Variants in RABGEF1 observed in about 807,000 individuals in gnomAD.
RABGEF1 encodes RAB guanine nucleotide exchange factor 1.
In RABGEF1, 26 loss-of-function variants were observed where a neutral mutation model predicts 57.3. The ratio of observed to expected loss-of-function variants is 0.45; its 90% CI spans 0.33 to 0.63. The LOEUF is 0.63. Ranked by LOEUF, RABGEF1 falls within the 20% of genes least tolerant of loss-of-function variation. The pLI is 0.02. For missense variants in RABGEF1, 464 were observed against 607.6 expected, an observed-to-expected ratio of 0.76 and a Z score of 2.48; for synonymous variants, 185 against 210.7, an observed-to-expected ratio of 0.88 and a Z score of 1.06.
At chr7:66,748,472 G>A (rs986475790) in intron 1 of RABGEF1, among the ~76,000 whole-genome samples, 2 of 152,118 alleles carry the variant, frequency 1.3e-5, no homozygotes, top group Non-Finnish European at 2.9e-5. Flanking sequence ...GGTGAATCAC[G>A]GAACCATATG....
At chr7:66,776,839 G>C (rs1808681369) in intron 3 of RABGEF1, among the ~76,000 whole-genome samples, 1 of 152,194 alleles carries the variant, frequency 6.6e-6, no homozygotes, top group African/African-American at 2.4e-5. Flanking sequence ...AATGTATTGG[G>C]CTCATGATTT....
chr7:66,655,247 C>T, the RABGEF1 span, among the ~76,000 whole-genome samples: 1 of 152,206 alleles, frequency 6.6e-6, no homozygotes, highest in African/African-American at 2.4e-5. Context: ...GAAGTCCCTA[C>T]TTCCGAACCG....
At chr7:66,735,883 G>A (rs1320285746), upstream of RABGEF1, among the ~76,000 whole-genome samples, 2 of 152,116 alleles carry the variant, frequency 1.3e-5, no homozygotes, top group African/African-American at 2.4e-5. Flanking sequence ...AAGAACAAAC[G>A]AATACAGAGG....
At chr7:66,753,700 CGTTTTT>C (rs1383436497) in intron 1 of RABGEF1, among the ~76,000 whole-genome samples, 20 of 78,510 alleles carry the variant, frequency 2.5e-4, no homozygotes, top group Admixed American at 4.3e-4. Context: ...ATTTTGCCAT[CGTTTTT>C]TTTTTTTTTT....
At chr7:66,742,581 G>A (rs1172051584) in intron 1 of RABGEF1, among the ~76,000 whole-genome samples, 1 of 152,134 alleles carries the variant, frequency 6.6e-6, no homozygotes, top group Admixed American at 6.6e-5. Flanking sequence ...CAAAGGAGAG[G>A]AGGCCAGTAA....
intron 4 of RABGEF1, among the ~76,000 whole-genome samples, chr7:66,789,872 C>G: frequency 6.6e-6 from 1 of 152,050 alleles, no homozygotes; most frequent in Non-Finnish European, 1.5e-5. Flanking sequence ...GGCATTGTCT[C>G]CCAGCCTTCT....
intron 2 of RABGEF1, among the ~76,000 whole-genome samples, chr7:66,715,103 C>G (rs1310696708): frequency 6.6e-6 from 1 of 151,646 alleles, no homozygotes; most frequent in Non-Finnish European, 1.5e-5. Flanking sequence ...TCCTCTCCTC[C>G]TCCTCCAACT....
intron 2 of RABGEF1, among the ~76,000 whole-genome samples, chr7:66,731,408 G>A (rs1797296025): frequency 6.6e-6 from 1 of 152,102 alleles, no homozygotes; most frequent in Non-Finnish European, 1.5e-5. Flanking sequence ...GAGCATGAAC[G>A]CCTGGCTGGT....
intron 2 of RABGEF1, among the ~76,000 whole-genome samples, chr7:66,721,242 G>A (rs1363312602): frequency 1.3e-5 from 2 of 152,090 alleles, no homozygotes; most frequent in African/African-American, 4.8e-5. Context: ...TAATAATAGT[G>A]TTTAAAAATC....
chr7:66,756,089 A>T lies in RABGEF1; in HGVS notation c.-18+15297A>T, dbSNP rs1347914345. 3.5e-6 allele frequency: 5 copies of T among 1,424,884 alleles called. No homozygotes were observed. The South Asian group carries it at 7.1e-5, about 20-fold the overall frequency. The allele number at this position is 1,424,884 out of a possible 1,614,324, so 88.3% of individuals were successfully genotyped here. On this transcript the variant is annotated intron_variant, in intron 1 of 8. Transcript: ENST00000284957. ...TTCATACCATGAAGGTGAGTACTGA[A>T]AGATATATAAGAAGAATATCTATAA... is the stretch of plus-strand genomic sequence containing the variant.
chr7:66,673,305 G>A, the RABGEF1 span, among the ~76,000 whole-genome samples: 9 of 151,892 alleles, frequency 5.9e-5, no homozygotes, highest in Non-Finnish European at 5.9e-5. Flanking sequence ...AGCATCCACC[G>A]TGAAGGCTGC....
At chr7:66,700,499 T>TAGTTGGGGGGGGGGGGAGGG (rs1562710607) in intron 1 of RABGEF1, among the ~76,000 whole-genome samples, 1 of 62,664 alleles carries the variant, frequency 1.6e-5, no homozygotes, top group African/African-American at 4.5e-5. Context: ...GAGGGGGAGG[T>TAGTTGGGGGGGGGGGGAGGG]AGGGGAGGGG....
At chr7:66,743,313 A>T (rs1245492131) in intron 1 of RABGEF1, among the ~76,000 whole-genome samples, 4 of 150,278 alleles carry the variant, frequency 2.7e-5, no homozygotes, top group African/African-American at 9.8e-5. Flanking sequence ...TCGTCTCAAA[A>T]AAAAGAAAAA....
At chr7:66,775,493 T>A (rs1431501188) in intron 3 of RABGEF1, 100 bp downstream of exon 3, 2 of 1,408,692 alleles carry the variant, frequency 1.4e-6, no homozygotes, top group East Asian at 4.8e-5. Context: ...TGTCAACTTT[T>A]TGAGAACATC....
At chr7:66,806,466 G>A (rs2129193039) in intron 8 of RABGEF1, among the ~76,000 whole-genome samples, 1 of 152,132 alleles carries the variant, frequency 6.6e-6, no homozygotes, top group Middle Eastern at 3.4e-3. Context: ...GTAGTCACCA[G>A]CATCTTGGGA....
chr7:66,662,493 C>T, the RABGEF1 span, among the ~76,000 whole-genome samples: 1 of 152,202 alleles, frequency 6.6e-6, no homozygotes, highest in East Asian at 1.9e-4. Flanking sequence ...TGTCCCATGC[C>T]AGCTGAGGGT....
At chr7:66,795,469 C>T (rs1422946284) in intron 4 of RABGEF1, 42 bp from the exon 5 acceptor site, 1 of 1,512,390 alleles carries the variant, frequency 6.6e-7, no homozygotes, top group East Asian at 2.3e-5. Flanking sequence ...TGCTTCTGCA[C>T]TTTGTTCAGC....
chr7:66,659,505 C>T, the RABGEF1 span, among the ~76,000 whole-genome samples: 3,807 of 148,310 alleles, frequency 0.026, 77 homozygotes, highest in Admixed American at 0.041. Context: ...ACTGGCTGGC[C>T]GCAGTGGCTC....
chr7:66,766,502 C>T (rs1339365552), intron 1 of RABGEF1, among the ~76,000 whole-genome samples: 3 of 151,914 alleles, frequency 2.0e-5, no homozygotes, highest in Non-Finnish European at 4.4e-5. Context: ...TCTACCTCAG[C>T]CTTATCTACT....
Sources: gnomAD v4.1 joint callset for allele counts (sites outside exome capture counted in the v4.1 genomes callset) on GRCh38, gnomAD v4.1.1 for gene constraint, MANE v1.5 for transcripts, NCBI Gene and HGNC (gene_info 2026-07-23, HGNC 2026-07-21) for gene names.